The following KDM5A variants were observed in gnomAD, a reference collection of about 807,000 sequenced individuals.
KDM5A encodes lysine-specific demethylase 5A.
In KDM5A, 42 loss-of-function variants were observed where a neutral mutation model predicts 193.5. The ratio of observed to expected loss-of-function variants is 0.22; its 90% CI spans 0.17 to 0.28. KDM5A has a LOEUF of 0.28. KDM5A is among the 10% of genes least tolerant of loss of function. KDM5A has a pLI of 1.00. For missense variants in KDM5A, 1,692 were observed against 2,055.1 expected (o/e 0.82, Z 3.42); for synonymous variants, 796 against 718.1 (o/e 1.11, Z -1.73).
chr12:361,258 G>A (rs915213240), intron 5 of KDM5A, among the ~76,000 whole-genome samples: 2 of 151,898 alleles, frequency 1.3e-5, no homozygotes, highest in Non-Finnish European at 2.9e-5. Flanking sequence ...GCAGTGGCGA[G>A]ATCCTGGCTC....
chr12:369,607 G>A (rs558094756), intron 3 of KDM5A, among the ~76,000 whole-genome samples: 10 of 152,260 alleles, frequency 6.6e-5, no homozygotes, highest in African/African-American at 2.2e-4. Context: ...TGAAATCTAA[G>A]CAAAGACTTG....
chr12:350,488 C>A, intron 10 of KDM5A, 133 bp downstream of exon 10: 5 of 754,672 alleles, frequency 6.6e-6, no homozygotes, highest in Non-Finnish European at 6.5e-6. Context: ...TCTTCGTTTT[C>A]AAAACTGAAG....
intron 24 of KDM5A, among the ~76,000 whole-genome samples, chr12:303,401 C>G (rs746106683): frequency 6.6e-6 from 1 of 152,178 alleles, no homozygotes; most frequent in Non-Finnish European, 1.5e-5. Context: ...TCTCAGCAAA[C>G]TAACACAAGA....
chr12:331,784 G>A (rs1331531769), intron 13 of KDM5A, 35 bp downstream of exon 13: 2 of 1,612,986 alleles, frequency 1.2e-6, no homozygotes, highest in Admixed American at 1.7e-5. Context: ...AGGGGGGTTA[G>A]TAGACGTACA....
At chr12:351,425 T>A (rs892336438) in intron 9 of KDM5A, among the ~76,000 whole-genome samples, 2 of 152,174 alleles carry the variant, frequency 1.3e-5, no homozygotes, top group African/African-American at 4.8e-5. Flanking sequence ...TTCCATGGTA[T>A]ATATGTGCCA....
intron 3 of KDM5A, among the ~76,000 whole-genome samples, chr12:382,913 A>C (rs1944592510): frequency 6.6e-6 from 1 of 152,146 alleles, no homozygotes; most frequent in South Asian, 2.1e-4. Context: ...GCCTGGACAC[A>C]AGAGCAAAAC....
intron 8 of KDM5A, among the ~76,000 whole-genome samples, chr12:352,544 T>C (rs1006777865): frequency 2.0e-5 from 3 of 152,220 alleles, no homozygotes; most frequent in Non-Finnish European, 4.4e-5. Flanking sequence ...AAGGTAGTAC[T>C]AAGATGGCTT....
intron 26 of KDM5A, 25 bp from the exon 27 acceptor site, chr12:293,194 A>T: frequency 6.3e-7 from 1 of 1,589,414 alleles, no homozygotes. Context: ...ATTTAGGAAC[A>T]ATTTTAAAGC....
chr12:373,626 T>G (rs1362581157), intron 3 of KDM5A, among the ~76,000 whole-genome samples: 1 of 152,226 alleles, frequency 6.6e-6, no homozygotes, highest in Non-Finnish European at 1.5e-5. Flanking sequence ...TGCTAGCTTT[T>G]GAATGTGTTT....
intron 24 of KDM5A, among the ~76,000 whole-genome samples, chr12:302,464 C>A (rs1217288838): frequency 1.3e-5 from 2 of 151,732 alleles, no homozygotes; most frequent in Non-Finnish European, 2.9e-5. Flanking sequence ...ACTGGCTTAG[C>A]CATATGCAGA....
intron 10 of KDM5A, among the ~76,000 whole-genome samples, chr12:341,807 G>T (rs556449275): frequency 6.6e-6 from 1 of 152,046 alleles, no homozygotes; most frequent in South Asian, 2.1e-4. Flanking sequence ...GACTGGGGTA[G>T]GAGAACTGCT....
In KDM5A at chr12:308,007, T is replaced by G; in HGVS notation, c.3379-2A>C. The G allele has an allele frequency of 6.2e-7, 1 of 1,613,760 alleles. No homozygotes were observed. Among genetic ancestry groups the G allele is most frequent in the Non-Finnish European group, 8.5e-7 (1 of 1,179,898 alleles). On this transcript the variant is annotated splice_acceptor_variant, in intron 22 of 27. Transcript: ENST00000399788. LOFTEE classifies it high-confidence loss of function. ...CTCCCGTTCTTTGAAAACTGCCACC[T>G]GTACAAGACAAACATTTAATTGAAA...
At chr12:329,226 C>T in intron 13 of KDM5A, 197 bp from the exon 14 acceptor site, 1 of 595,416 alleles carries the variant, frequency 1.7e-6, no homozygotes, top group South Asian at 2.0e-5. Context: ...GGCTTTCCCA[C>T]AGAAAATTCC....
Position 283,951 on chromosome 12 carries a change from A to G in KDM5A, c.*1505T>C. The G allele has an allele frequency of 8.6e-6, 2 of 233,574 alleles. No individual in the cohort carries two copies. Among genetic ancestry groups the G allele is most frequent in the Non-Finnish European group, 8.5e-6 (1 of 117,992 alleles). 14.5% of individuals were successfully genotyped at this position (233,574 alleles called of 1,614,324 possible). ...ACCATAGTTTCAAACATTCACACAC[A>G]AAAGAAAAAAGAGCCAGCACAGACT... On this transcript the variant is annotated 3_prime_UTR_variant, in exon 28 of 28. Transcript: ENST00000399788.
At chr12:327,326 T>C (rs1001953858) in intron 14 of KDM5A, among the ~76,000 whole-genome samples, 1 of 152,096 alleles carries the variant, frequency 6.6e-6, no homozygotes, top group African/African-American at 2.4e-5. Flanking sequence ...CCAATGTACT[T>C]AAAATTTCAA....
chr12:369,941 C>T (rs1009567114), intron 3 of KDM5A, among the ~76,000 whole-genome samples: 5 of 152,194 alleles, frequency 3.3e-5, no homozygotes, highest in African/African-American at 7.2e-5. Context: ...AGCCAGGATA[C>T]GGCCATGACA....
At position 280,375 on chromosome 12, in the gene KDM5A, C is replaced by T. The variant is rs1403727875; in HGVS notation, c.*5081G>A. ...CAACACAATTTTTTTTTTTAATGGA[C>T]TTGCCACCTTAAGAAACTTCAAGTG... On this transcript the variant is annotated 3_prime_UTR_variant, in exon 28 of 28. Transcript: ENST00000399788. The T allele has an allele frequency of 4.3e-6, 1 of 232,428 alleles. No homozygotes were observed. Among genetic ancestry groups the T allele is most frequent in the Admixed American group, 5.6e-5 (1 of 17,716 alleles). 14.4% of individuals were successfully genotyped at this position (232,428 alleles called of 1,614,324 possible).
rs546956617 is a variant in KDM5A at position 384,446 on chromosome 12, C to A, written c.244-293G>T. Among the ~76,000 whole-genome samples the A allele has an allele frequency of 1.2e-4, 18 of 152,278 alleles. No homozygotes were observed. In the South Asian group the frequency reaches 2.9e-3, roughly 25 times the overall value. ...TTTCATCCCAAAACCATCCTCCATA[C>A]CCCCATCCATCCATGGATAAACTGT... On this transcript the variant is annotated intron_variant, in intron 2 of 27. Transcript: ENST00000399788.
rs1591917905 is a variant in KDM5A, at chr12:333,783, C to T, written c.1491-134G>A. ...GATTATATGCCCTGAATTCTGGCAA[C>T]CATCTTATAAACCTGTGCTGTTGTT... is the stretch of plus-strand genomic sequence containing the variant. On this transcript the variant is annotated intron_variant, in intron 11 of 27. Coordinates refer to ENST00000399788, the MANE Select transcript of KDM5A (RefSeq NM_001042603.3). 3.6e-6 allele frequency: 3 copies of T among 844,504 alleles called. No individual in the cohort carries two copies. In the Admixed American group the frequency reaches 5.9e-5, roughly 17 times the overall value. The allele number at this position is 844,504 out of a possible 1,614,324, so 52.3% of individuals were successfully genotyped here.
Sources: allele counts gnomAD v4.1 joint callset (sites outside exome capture counted in the v4.1 genomes callset), GRCh38; gene constraint gnomAD v4.1.1; transcripts MANE v1.5; gene names NCBI Gene and HGNC (gene_info 2026-07-23, HGNC 2026-07-21).